RANBP2: variants seen among roughly 807,000 people sequenced by gnomAD.
The protein encoded by RANBP2 is RAN binding protein 2.
Under a neutral mutation model 303.6 loss-of-function variants are expected in RANBP2, and 57 were observed. The ratio of observed to expected loss-of-function variants is 0.19; its 90% CI spans 0.15 to 0.23. The LOEUF is 0.23. RANBP2 is among the 10% of genes least tolerant of loss of function. The pLI is 1.00. For missense variants in RANBP2, 3,138 were observed against 3,780.8 expected (o/e 0.83, Z 4.46); for synonymous variants, 1,167 against 1,301.5 (o/e 0.90, Z 2.23).
At chr2:109,546,029 G>A in the RANBP2 span, 7 of 1,548,526 alleles carry the variant, frequency 4.5e-6, no homozygotes, top group Non-Finnish European at 6.1e-6. Flanking sequence ...GGCTGCCAGG[G>A]AGGGTGGCTG....
chr2:109,232,313 G>A, the RANBP2 span, among the ~76,000 whole-genome samples: 1 of 152,156 alleles, frequency 6.6e-6, no homozygotes, highest in African/African-American at 2.4e-5. Flanking sequence ...ATCCTAGAAG[G>A]ATCATTTTTT....
At chr2:108,975,248 G>T in the RANBP2 span, among the ~76,000 whole-genome samples, 2 of 152,178 alleles carry the variant, frequency 1.3e-5, no homozygotes, top group African/African-American at 4.8e-5. Context: ...TAGCAGCTGC[G>T]GCCTCAGGCA....
At chr2:109,434,212 G>A in the RANBP2 span, among the ~76,000 whole-genome samples, 7 of 152,248 alleles carry the variant, frequency 4.6e-5, no homozygotes, top group South Asian at 1.0e-3. Context: ...CTGAGATGGC[G>A]GGTGTCCACA....
chr2:109,039,287 T>TCTC, the RANBP2 span, among the ~76,000 whole-genome samples: 1,034 of 152,304 alleles, frequency 6.8e-3, 6 homozygotes, highest in East Asian at 0.034. Context: ...CTAAAATAAA[T>TCTC]CTCTCTCTTA....
At chr2:108,742,812 G>A (rs1047438867) in intron 7 of RANBP2, among the ~76,000 whole-genome samples, 4 of 151,782 alleles carry the variant, frequency 2.6e-5, no homozygotes, top group Non-Finnish European at 4.4e-5. Context: ...TTTTTGAGAC[G>A]GAGTCTCACT....
chr2:108,796,203 C>T, the RANBP2 span, among the ~76,000 whole-genome samples: 22 of 152,092 alleles, frequency 1.4e-4, no homozygotes, highest in East Asian at 2.3e-3. Flanking sequence ...CACCTGCCAC[C>T]GCGCCCGGCT....
At chr2:109,579,115 G>A in the RANBP2 span, among the ~76,000 whole-genome samples, 1 of 152,100 alleles carries the variant, frequency 6.6e-6, no homozygotes, top group Non-Finnish European at 1.5e-5. Context: ...AGATGATGAA[G>A]ACAATAAAAA....
chr2:109,217,275 T>C, the RANBP2 span, among the ~76,000 whole-genome samples: 1 of 152,208 alleles, frequency 6.6e-6, no homozygotes, highest in Non-Finnish European at 1.5e-5. Context: ...GGGTATCTTT[T>C]ATTATGGTTT....
At chr2:108,907,827 C>G in the RANBP2 span, 100 of 1,612,878 alleles carry the variant, frequency 6.2e-5, no homozygotes, top group Non-Finnish European at 7.5e-5. Flanking sequence ...AGCCACATCT[C>G]ACAGCTCATC....
At chr2:109,062,404 G>A in the RANBP2 span, among the ~76,000 whole-genome samples, 3 of 152,262 alleles carry the variant, frequency 2.0e-5, no homozygotes, top group East Asian at 1.9e-4. Flanking sequence ...CAACCAGACC[G>A]CATTGGAGGG....
chr2:109,547,806 A>G, the RANBP2 span, among the ~76,000 whole-genome samples: 1 of 152,224 alleles, frequency 6.6e-6, no homozygotes, highest in Admixed American at 6.5e-5. Context: ...GCACTGAGTA[A>G]GCACTCGATA....
the RANBP2 span, among the ~76,000 whole-genome samples, chr2:109,602,261 A>G: frequency 6.6e-6 from 1 of 152,314 alleles, no homozygotes; most frequent in Non-Finnish European, 1.5e-5. Context: ...AATGAAAACA[A>G]CTTACAGAAA....
the RANBP2 span, among the ~76,000 whole-genome samples, chr2:109,266,756 A>G: frequency 5.9e-5 from 9 of 152,104 alleles, no homozygotes; most frequent in Non-Finnish European, 1.0e-4. Flanking sequence ...TTAACAGCCT[A>G]ACAAGAGACA....
the RANBP2 span, among the ~76,000 whole-genome samples, chr2:108,822,866 AT>A: frequency 6.6e-6 from 1 of 152,220 alleles, no homozygotes; most frequent in African/African-American, 2.4e-5. Context: ...CCTGGCTGTG[AT>A]TTGGTTCTTT....
the RANBP2 span, among the ~76,000 whole-genome samples, chr2:108,963,501 C>A: frequency 6.6e-6 from 1 of 152,124 alleles, no homozygotes; most frequent in African/African-American, 2.4e-5. Flanking sequence ...CCCATGTCCC[C>A]GTTACCCAAT....
chr2:108,867,042 T>G, the RANBP2 span, among the ~76,000 whole-genome samples: 1 of 152,162 alleles, frequency 6.6e-6, no homozygotes, highest in Non-Finnish European at 1.5e-5. Flanking sequence ...TAAAGGGGAA[T>G]TATAAAATAT....
At chr2:109,490,857 A>T in the RANBP2 span, 2 of 1,536,130 alleles carry the variant, frequency 1.3e-6, no homozygotes, top group Non-Finnish European at 1.7e-6. Flanking sequence ...CTTGGATCTA[A>T]ACTTCACATC....
At chr2:108,964,014 G>C in the RANBP2 span, among the ~76,000 whole-genome samples, 1 of 152,192 alleles carries the variant, frequency 6.6e-6, no homozygotes, top group African/African-American at 2.4e-5. Context: ...CAGGACTATG[G>C]CCTCTGTGGC....
At chr2:108,858,726 G>C in the RANBP2 span, among the ~76,000 whole-genome samples, 1 of 151,620 alleles carries the variant, frequency 6.6e-6, no homozygotes, top group South Asian at 2.1e-4. Context: ...TTAGATTTAG[G>C]GGGTACATGT....
Sources: allele counts gnomAD v4.1 joint callset (sites outside exome capture counted in the v4.1 genomes callset), GRCh38; gene constraint gnomAD v4.1.1; transcripts MANE v1.5; gene names NCBI Gene and HGNC (gene_info 2026-07-23, HGNC 2026-07-21).